PDZD8: variants seen among roughly 807,000 people sequenced by gnomAD.
PDZD8 encodes the protein PDZ domain-containing protein 8.
A neutral mutation model predicts 85.8 loss-of-function variants in PDZD8; 14 were observed. The observed-to-expected ratio is 0.16, with a 90% CI of 0.11 to 0.26. The LOEUF is 0.26. PDZD8 is among the 10% of genes least tolerant of loss of function. PDZD8 has a pLI of 1.00. For missense variants in PDZD8, 1,197 were observed against 1,424.3 expected, an observed-to-expected ratio of 0.84 and a Z score of 2.57; for synonymous variants, 592 against 568.6, an observed-to-expected ratio of 1.04 and a Z score of -0.59.
chr10:117,370,194 T>C (rs972386290), intron 1 of PDZD8, among the ~76,000 whole-genome samples: 1 of 152,248 alleles, frequency 6.6e-6, no homozygotes, highest in Admixed American at 6.5e-5. Context: ...CTTGAATAAA[T>C]CTGTAAACAT....
In PDZD8 at chr10:117,323,970, G is replaced by T. The variant is rs762327581; in HGVS notation, c.996-4996C>A. On this transcript the variant is annotated intron_variant, in intron 2 of 4. Transcript: ENST00000334464. ...AGGCAGGGAGCAGTAGCTCTCGCCC[G>T]TAATCCCAGCACTTTGGGGGGCCAA... Among the ~76,000 whole-genome samples the T allele has an allele frequency of 7.1e-4, 108 of 152,112 alleles. 2 individuals carry two copies. The highest frequency in any genetic ancestry group is 1.2e-3 in the Non-Finnish European group (81 of 67,988).
intron 3 of PDZD8, 69 bp downstream of exon 3, chr10:117,318,803 A>C (rs1227176759): frequency 5.3e-6 from 6 of 1,133,814 alleles, no homozygotes; most frequent in Non-Finnish European, 6.4e-6. Flanking sequence ...GGAATACAGA[A>C]ATAGTAATAA....
At chr10:117,319,209 T>C (rs1179609218) in intron 2 of PDZD8, among the ~76,000 whole-genome samples, 1 of 152,070 alleles carries the variant, frequency 6.6e-6, no homozygotes, top group Non-Finnish European at 1.5e-5. Flanking sequence ...GTCAAACAAA[T>C]ACAAAGTATT....
chr10:117,367,077 C>T lies in PDZD8; in HGVS notation c.872+7279G>A, dbSNP rs1370880325. Among the ~76,000 whole-genome samples the T allele has an allele frequency of 2.0e-5, 3 of 152,156 alleles. No individual in the cohort carries two copies. In the East Asian group the frequency reaches 5.8e-4, roughly 29 times the overall value. On this transcript the variant is annotated intron_variant, in intron 1 of 4. Transcript: ENST00000334464. ...GGCTATTTCCAGGAAGAAACTGTGG[C>T]TTTTTGGGATAGCCAATATACTTGT...
chr10:117,294,052 G>A (rs954131360), intron 3 of PDZD8, among the ~76,000 whole-genome samples: 2 of 152,110 alleles, frequency 1.3e-5, no homozygotes, highest in Non-Finnish European at 2.9e-5. Context: ...CTAAAGTAGT[G>A]TTTTAGAGGA....
chr10:117,285,452 T>G lies in PDZD8; in HGVS notation c.1281A>C (p.Thr427=). The stretch of plus-strand genomic sequence containing the variant: ...GCTTGATAAGCTTCAACACTTGCAG[T>G]GTTGATGTGATTTTCACACCTGGTT... ...IAIGGVKITS[T]LQVLKLIKQA... Residue 427 remains threonine, a synonymous_variant, in exon 5 of 5, where the codon ACA becomes ACC. Coordinates refer to ENST00000334464, the MANE Select transcript of PDZD8 (RefSeq NM_173791.5). 6.3e-7 allele frequency: 1 copy of G among 1,586,544 alleles called. No individual in the cohort carries two copies. Among genetic ancestry groups the G allele is most frequent in the Non-Finnish European group, 8.6e-7 (1 of 1,163,050 alleles).
At chr10:117,333,372 A>G (rs1280032963) in intron 2 of PDZD8, among the ~76,000 whole-genome samples, 1 of 152,186 alleles carries the variant, frequency 6.6e-6, no homozygotes, top group Non-Finnish European at 1.5e-5. Context: ...TAATACAATT[A>G]TTTGTAGAGC....
chr10:117,374,544 C>G lies in PDZD8; in HGVS notation c.684G>C (p.Arg228Ser), dbSNP rs1308614346. 2.5e-6 allele frequency: 4 copies of G among 1,607,150 alleles called. No homozygotes were observed. The highest frequency in any genetic ancestry group is 3.4e-6 in the Non-Finnish European group (4 of 1,176,768). The change falls in exon 1 of 5, where the codon AGG becomes AGC. Residue 228 changes from arginine to serine, a missense_variant. Physicochemically the swap from Arg to Ser is moderately radical, Grantham distance 110 (BLOSUM62 -1). Transcript: ENST00000334464. The surrounding 1 kb of genome is among the most constrained non-coding windows in gnomAD (Gnocchi z 7.8). Reference protein sequence around the residue: ...LFVKLSRVVGRLRLVFTRVPF... With the variant: ...LFVKLSRVVGSLRLVFTRVPF... ...GCACGCGCGTAAAGACCAAGCGCAG[C>G]CTTCCCACCACGCGGGACAGCTTGA...
chr10:117,354,270 T>C (rs1017458446), intron 1 of PDZD8, among the ~76,000 whole-genome samples: 2 of 152,252 alleles, frequency 1.3e-5, no homozygotes, highest in Non-Finnish European at 2.9e-5. Flanking sequence ...CCTTTTGTTG[T>C]TGTAAATAAA....
chr10:117,285,691 T>A, intron 4 of PDZD8: 1 of 1,209,548 alleles, frequency 8.3e-7, no homozygotes, highest in Non-Finnish European at 1.0e-6. Context: ...TGGAGATGTT[T>A]ACCTTTTCAA....
chr10:117,304,183 C>T (rs1843893573), intron 3 of PDZD8, among the ~76,000 whole-genome samples: 1 of 152,198 alleles, frequency 6.6e-6, no homozygotes, highest in African/African-American at 2.4e-5. Flanking sequence ...CATGGGAACC[C>T]ACTTCTTGCA....
At chr10:117,349,917 C>T (rs1172561714) in intron 1 of PDZD8, among the ~76,000 whole-genome samples, 2 of 152,148 alleles carry the variant, frequency 1.3e-5, no homozygotes, top group Non-Finnish European at 2.9e-5. Context: ...GAGGATATTA[C>T]TTAGTGAAAT....
intron 3 of PDZD8, among the ~76,000 whole-genome samples, chr10:117,315,805 A>T (rs1005133736): frequency 6.6e-6 from 1 of 152,076 alleles, no homozygotes; most frequent in African/African-American, 2.4e-5. Context: ...ATGTCAGATT[A>T]ATTTATTGTG....
At position 117,353,679 on chromosome 10, in the gene PDZD8, G is replaced by A. The variant is rs1037442017; in HGVS notation, c.873-12577C>T. ...TACATAAATTTTGTTCAAAATAATC[G>A]GGGGAGGGGTGTGTGGCAAGATGAA... On this transcript the variant is annotated intron_variant, in intron 1 of 4. Coordinates refer to ENST00000334464, the MANE Select transcript of PDZD8 (RefSeq NM_173791.5). Among the ~76,000 whole-genome samples the A allele has an allele frequency of 5.3e-5, 8 of 151,200 alleles. No homozygotes were observed. The East Asian group carries it at 9.8e-4, about 18-fold the overall frequency.
intron 2 of PDZD8, 94 bp from the exon 3 acceptor site, chr10:117,319,068 C>G: frequency 1.3e-6 from 1 of 796,092 alleles, no homozygotes; most frequent in Non-Finnish European, 2.1e-6. Context: ...CAACACATTA[C>G]TCCATTACTA....
At chr10:117,308,214 A>G (rs1452565334) in intron 3 of PDZD8, among the ~76,000 whole-genome samples, 1 of 152,076 alleles carries the variant, frequency 6.6e-6, no homozygotes, top group African/African-American at 2.4e-5. Flanking sequence ...ACAGCTCTTA[A>G]TAAGCTTGCT....
intron 1 of PDZD8, among the ~76,000 whole-genome samples, chr10:117,353,529 C>T (rs1282829693): frequency 6.6e-6 from 1 of 152,162 alleles, no homozygotes; most frequent in Non-Finnish European, 1.5e-5. Context: ...TGAGAATCTA[C>T]ACCTTGATGT....
intron 2 of PDZD8, among the ~76,000 whole-genome samples, chr10:117,337,330 A>C (rs1193997971): frequency 6.6e-6 from 1 of 152,246 alleles, no homozygotes; most frequent in Non-Finnish European, 1.5e-5. Flanking sequence ...CTAATGTGAA[A>C]TAATTTCACC....
chr10:117,331,702 A>AT (rs1292417825), intron 2 of PDZD8, among the ~76,000 whole-genome samples: 1 of 152,218 alleles, frequency 6.6e-6, no homozygotes, highest in Non-Finnish European at 1.5e-5. Context: ...CACTGGTATT[A>AT]TGTCAGCTGT....
Sources: allele counts gnomAD v4.1 joint callset (sites outside exome capture counted in the v4.1 genomes callset), GRCh38; gene constraint gnomAD v4.1.1; non-coding constraint Gnocchi (gnomAD v3.1); transcripts MANE v1.5; gene names NCBI Gene and HGNC (gene_info 2026-07-23, HGNC 2026-07-21).